The following CNTN3 variants were observed in gnomAD, a reference collection of about 807,000 sequenced individuals.
The protein encoded by CNTN3 is contactin-3.
CNTN3 carries 60 observed loss-of-function variants against 119.1 expected under a neutral mutation model. The ratio of observed to expected loss-of-function variants is 0.50; its 90% CI spans 0.41 to 0.62. The LOEUF (loss-of-function observed/expected upper bound fraction) is 0.62, where lower values mean the gene tolerates loss of function less well. Ranked by LOEUF, CNTN3 falls within the 20% of genes least tolerant of loss-of-function variation. The probability of loss-of-function intolerance (pLI) is 0.00; values close to 1 mark genes in which losing one functional copy is unlikely to be tolerated. For missense variants in CNTN3, 1,101 were observed against 1,242.4 expected, an observed-to-expected ratio of 0.89 and a Z score of 1.71; for synonymous variants, 450 against 438.7, an observed-to-expected ratio of 1.03 and a Z score of -0.32.
At chr3:74,283,373 T>C (rs1371561648) in intron 20 of CNTN3, among the ~76,000 whole-genome samples, 1 of 152,188 alleles carries the variant, frequency 6.6e-6, no homozygotes, top group East Asian at 1.9e-4. Flanking sequence ...GCTCAGTAAG[T>C]GTCAACCATA....
At chr3:74,285,952 T>A (rs1317433561) in intron 19 of CNTN3, among the ~76,000 whole-genome samples, 1 of 151,352 alleles carries the variant, frequency 6.6e-6, no homozygotes, top group Non-Finnish European at 1.5e-5. Context: ...GATCATTTTT[T>A]AAAAATGTGG....
At chr3:74,394,376 C>T (rs753518188) in intron 5 of CNTN3, among the ~76,000 whole-genome samples, 1 of 152,100 alleles carries the variant, frequency 6.6e-6, no homozygotes, top group African/African-American at 2.4e-5. Flanking sequence ...TGTATTATAA[C>T]GCTATTAGAG....
chr3:74,505,170 C>A (rs1242869663), intron 2 of CNTN3, among the ~76,000 whole-genome samples: 2 of 151,924 alleles, frequency 1.3e-5, no homozygotes, highest in Non-Finnish European at 2.9e-5. Context: ...TAACTAATGA[C>A]ATTAGCAATG....
chr3:74,486,637 A>G lies in CNTN3; in HGVS notation c.183-6T>C. 6.6e-7 allele frequency: 1 copy of G among 1,523,780 alleles called. No homozygotes were observed. Among genetic ancestry groups the G allele is most frequent in the Non-Finnish European group, 8.8e-7 (1 of 1,142,348 alleles). The allele number at this position is 1,523,780 out of a possible 1,614,324, so 94.4% of individuals were successfully genotyped here. ...CACTTCCATTCAGCTGCCATCTGTA[A>G]AACAAATATCAAGGTTCCCCCCCCT... On this transcript the variant is annotated splice_region_variant and splice_polypyrimidine_tract_variant and intron_variant, in intron 3 of 22. Transcript: ENST00000263665.
intron 11 of CNTN3, among the ~76,000 whole-genome samples, chr3:74,349,874 G>A (rs946713319): frequency 1.3e-5 from 2 of 152,140 alleles, no homozygotes; most frequent in Non-Finnish European, 2.9e-5. Context: ...CATTTATACT[G>A]GGCAAAGATA....
At chr3:74,531,194 C>T (rs1703688368) in intron 1 of CNTN3, among the ~76,000 whole-genome samples, 1 of 151,964 alleles carries the variant, frequency 6.6e-6, no homozygotes, top group African/African-American at 2.4e-5. Flanking sequence ...TACCTTTTAA[C>T]TATTACATAA....
At chr3:74,549,468 C>T (rs1411068864) in intron 1 of CNTN3, among the ~76,000 whole-genome samples, 1 of 152,018 alleles carries the variant, frequency 6.6e-6, no homozygotes, top group Non-Finnish European at 1.5e-5. Context: ...CAACATAGGG[C>T]AAGTATATTA....
Position 74,295,239 on chromosome 3 carries a change from G to A in CNTN3, c.2402-3C>T. 1 of 1,515,214 alleles carries A rather than the reference G, an allele frequency of 6.6e-7. No homozygotes were observed. Among genetic ancestry groups the A allele is most frequent in the Non-Finnish European group, 9.1e-7 (1 of 1,099,174 alleles). The allele number at this position is 1,515,214 out of a possible 1,614,324, so 93.9% of individuals were successfully genotyped here. ...TTGAGATGGGGCCACTGTAGGCTCT[G>A]TTCGGAAACAGAAATTGAAATATGA... On this transcript the variant is annotated splice_polypyrimidine_tract_variant and splice_region_variant and intron_variant, in intron 18 of 22. Transcript: ENST00000263665.
At chr3:74,591,298 C>G (rs1704699507) in intron 1 of CNTN3, among the ~76,000 whole-genome samples, 1 of 151,906 alleles carries the variant, frequency 6.6e-6, no homozygotes, top group Non-Finnish European at 1.5e-5. Context: ...CCACTGACTC[C>G]AAGAAGAGCA....
intron 5 of CNTN3, among the ~76,000 whole-genome samples, chr3:74,408,656 C>T (rs915075249): frequency 1.3e-5 from 2 of 152,074 alleles, no homozygotes; most frequent in South Asian, 2.1e-4. Context: ...TGTATTAAAC[C>T]TTTGTAATTA....
intron 20 of CNTN3, among the ~76,000 whole-genome samples, chr3:74,270,782 C>T (rs1701758479): frequency 6.6e-6 from 1 of 152,106 alleles, no homozygotes; most frequent in South Asian, 2.1e-4. Flanking sequence ...AAGTAGTCTA[C>T]ATTTTGAAAT....
At chr3:74,576,504 GA>G (rs1376991373) in intron 1 of CNTN3, among the ~76,000 whole-genome samples, 4 of 152,024 alleles carry the variant, frequency 2.6e-5, no homozygotes, top group Non-Finnish European at 5.9e-5. Context: ...AAGCAAGGAA[GA>G]AAAAATTTCA....
rs540914997 is a variant in CNTN3, at chr3:74,453,567, G to A, written c.359-28627C>T. Reference sequence around the variant, plus strand: ...TCTTGCCTTCTGCTAGCTTTTGAATGTGTTTGCTCTTGCTTTTCTAGTTCT... The same window carrying A: ...TCTTGCCTTCTGCTAGCTTTTGAATATGTTTGCTCTTGCTTTTCTAGTTCT... On this transcript the variant is annotated intron_variant, in intron 4 of 22. Transcript: ENST00000263665. Among the ~76,000 whole-genome samples the A allele has an allele frequency of 1.8e-4, 28 of 151,798 alleles. No individual in the cohort carries two copies. The South Asian group carries it at 5.9e-3, about 32-fold the overall frequency.
rs965460634 is a variant in CNTN3 at position 74,357,291 on chromosome 3, A to AT, written c.1364+4598dup. The stretch of plus-strand genomic sequence containing the variant: ...TTTATCAGTTTATCCAATTATTATT[A>AT]TTTTTTTAATAGAAGGAGTTTCCCT... On this transcript the variant is annotated intron_variant, in intron 11 of 22. Coordinates refer to ENST00000263665, the MANE Select transcript of CNTN3 (RefSeq NM_020872.3). Among the ~76,000 whole-genome samples, 8 of 147,700 alleles carry AT rather than the reference A, an allele frequency of 5.4e-5. No homozygotes were observed. The East Asian group carries it at 6.2e-4, about 12-fold the overall frequency.
chr3:74,346,789 CCATG>C (rs1378222347), intron 11 of CNTN3, among the ~76,000 whole-genome samples: 3 of 144,354 alleles, frequency 2.1e-5, no homozygotes, highest in Non-Finnish European at 4.5e-5. Flanking sequence ...ATCCATCCAT[CCATG>C]CATCCACTCA....
chr3:74,576,617 T>A (rs1042804121), intron 1 of CNTN3, among the ~76,000 whole-genome samples: 2 of 152,292 alleles, frequency 1.3e-5, no homozygotes, highest in Admixed American at 6.5e-5. Context: ...TCACACTTAT[T>A]CTATTAAAAG....
chr3:74,403,617 A>C (rs899992990), intron 5 of CNTN3, among the ~76,000 whole-genome samples: 9 of 152,132 alleles, frequency 5.9e-5, no homozygotes, highest in African/African-American at 2.2e-4. Context: ...ACTTACCACA[A>C]AGCAATTTGT....
intron 1 of CNTN3, among the ~76,000 whole-genome samples, chr3:74,604,110 T>C (rs939813147): frequency 2.0e-5 from 3 of 152,114 alleles, no homozygotes; most frequent in Admixed American, 1.3e-4. Context: ...ACTAGATTTA[T>C]GCAGAAGAAT....
At chr3:74,272,324 T>G (rs940054471) in intron 20 of CNTN3, among the ~76,000 whole-genome samples, 2 of 152,182 alleles carry the variant, frequency 1.3e-5, no homozygotes, top group African/African-American at 4.8e-5. Context: ...CACAGGCAAG[T>G]GGGGCAGATT....
Sources: gnomAD v4.1 joint callset for allele counts (sites outside exome capture counted in the v4.1 genomes callset) on GRCh38, gnomAD v4.1.1 for gene constraint, MANE v1.5 for transcripts, NCBI Gene and HGNC (gene_info 2026-07-23, HGNC 2026-07-21) for gene names.